The following GSR variants were observed in gnomAD, a reference collection of about 807,000 sequenced individuals.
GSR encodes glutathione-disulfide reductase, also known as glutathione reductase, mitochondrial.
In GSR, 48 loss-of-function variants were observed where a neutral mutation model predicts 56.5. That is an observed-to-expected ratio of 0.85 (90% CI 0.67 to 1.08). GSR has a LOEUF of 1.08. Among genes scored for constraint, GSR ranks in the 50% least tolerant of loss-of-function variants. The pLI is 0.00. For synonymous variants in GSR, 264 were observed against 270.8 expected (o/e 0.97, Z 0.25); for missense variants, 694 against 703.3 (o/e 0.99, Z 0.15).
At chr8:30,692,079 GGT>G (rs1803398681) in intron 8 of GSR, among the ~76,000 whole-genome samples, 1 of 151,066 alleles carries the variant, frequency 6.6e-6, no homozygotes. Context: ...CTCCAGCCTG[GGT>G]GACAAAGTGA....
In GSR at chr8:30,697,422, A is replaced by AAAACAAAC. The variant is rs150485496; in HGVS notation, c.696-951_696-944dup. ...GAGCGAGACTCTGTCTCAAAAAAACAAAACAAACAAACAAACAAACAAACA... is the reference window on the plus strand; with the variant it reads ...GAGCGAGACTCTGTCTCAAAAAAACAAAACAAACAAACAAACAAACAAACAAACAAACA... On this transcript the variant is annotated intron_variant, in intron 6 of 12. Coordinates refer to ENST00000221130, the MANE Select transcript of GSR (RefSeq NM_000637.5). Among the ~76,000 whole-genome samples, 144 of 148,276 alleles carry AAAACAAAC rather than the reference A, an allele frequency of 9.7e-4. 1 individual carries two copies. The highest frequency in any genetic ancestry group is 1.5e-3 in the African/African-American group (61 of 40,768).
At chr8:30,723,636 C>CA in intron 1 of GSR, among the ~76,000 whole-genome samples, 2 of 152,066 alleles carry the variant, frequency 1.3e-5, no homozygotes, top group East Asian at 1.9e-4. Context: ...ACTAAAAATA[C>CA]AAAAAATTTG....
intron 4 of GSR, among the ~76,000 whole-genome samples, chr8:30,705,843 T>C (rs1309365264): frequency 2.0e-5 from 3 of 152,190 alleles, no homozygotes; most frequent in Non-Finnish European, 4.4e-5. Context: ...CCTTTAAATA[T>C]TTTTCCCCCT....
chr8:30,679,706 C>T (rs768011401), intron 12 of GSR, 37 bp from the exon 13 acceptor site: 53 of 1,305,830 alleles, frequency 4.1e-5, no homozygotes, highest in South Asian at 1.3e-4. Flanking sequence ...TTTCTTTCTT[C>T]TTTTTTTTTT....
chr8:30,700,661 T>C (rs1586050216), intron 5 of GSR, among the ~76,000 whole-genome samples: 1 of 135,848 alleles, frequency 7.4e-6, no homozygotes, highest in Non-Finnish European at 1.5e-5. Flanking sequence ...GAGGTGGAGG[T>C]TGCAGTGAGC....
chr8:30,700,195 A>G, intron 5 of GSR, 60 bp from the exon 6 acceptor site: 3 of 1,211,376 alleles, frequency 2.5e-6, no homozygotes, highest in Non-Finnish European at 3.7e-6. Context: ...CAAAGTAATC[A>G]CAACATTTTA....
intron 1 of GSR, among the ~76,000 whole-genome samples, chr8:30,725,930 A>G (rs779880334): frequency 1.7e-4 from 26 of 151,766 alleles, no homozygotes; most frequent in Non-Finnish European, 3.2e-4. Flanking sequence ...AAAGTGGGTG[A>G]ACCTCTGAAG....
intron 9 of GSR, among the ~76,000 whole-genome samples, chr8:30,686,827 GGT>G (rs1486441656): frequency 6.6e-6 from 1 of 151,552 alleles, no homozygotes; most frequent in African/African-American, 2.4e-5. Flanking sequence ...GTTTTCTTTT[GGT>G]GTTTTTTTTT....
At chr8:30,708,047 A>C in intron 4 of GSR, 25 bp downstream of exon 4, 2 of 1,552,608 alleles carry the variant, frequency 1.3e-6, no homozygotes, top group Non-Finnish European at 1.8e-6. Flanking sequence ...GCTCTTTCTC[A>C]AAGTTAAAAA....
chr8:30,706,818 G>A (rs1803935630), intron 4 of GSR, among the ~76,000 whole-genome samples: 1 of 152,100 alleles, frequency 6.6e-6, no homozygotes, highest in Admixed American at 6.6e-5. Flanking sequence ...GTCTCTTAAG[G>A]AGGTCTTACT....
chr8:30,684,313 A>C, intron 9 of GSR, 114 bp from the exon 10 acceptor site: 3 of 768,454 alleles, frequency 3.9e-6, no homozygotes, highest in Non-Finnish European at 4.8e-6. Flanking sequence ...CAGAATCTCC[A>C]AGAAACCATG....
chr8:30,681,108 T>G, intron 11 of GSR, 71 bp from the exon 12 acceptor site: 1 of 1,240,870 alleles, frequency 8.1e-7, no homozygotes, highest in South Asian at 1.2e-5. Flanking sequence ...AAGAGGGAGA[T>G]GACCAGAAAT....
chr8:30,723,783 A>AACACAC (rs5890533), intron 1 of GSR, among the ~76,000 whole-genome samples: 90 of 52,616 alleles, frequency 1.7e-3, no homozygotes, highest in African/African-American at 2.5e-3. Context: ...CAGAGCAACA[A>AACACAC]ACACACACAC....
chr8:30,702,968 CCTT>C, intron 5 of GSR, 122 bp downstream of exon 5: 1 of 997,954 alleles, frequency 1.0e-6, no homozygotes, highest in South Asian at 1.3e-5. Flanking sequence ...TCTGCAGAGA[CCTT>C]CTCCCATGGC....
At chr8:30,727,332 G>C (rs531870044) in intron 1 of GSR, among the ~76,000 whole-genome samples, 198 bp downstream of exon 1, 26 of 152,328 alleles carry the variant, frequency 1.7e-4, no homozygotes, top group Admixed American at 1.4e-3. Flanking sequence ...TCGGCTTTGC[G>C]GGCCGCAGAG....
At position 30,727,002 on chromosome 8, in the gene GSR, A is replaced by T. The variant is rs372431759; in HGVS notation, c.306+528T>A. 138 of 152,752 alleles carry T rather than the reference A, an allele frequency of 9.0e-4. 2 individuals carry two copies. The South Asian group carries it at 0.027, about 30-fold the overall frequency. The allele number at this position is 152,752 out of a possible 1,614,324, so 9.5% of individuals were successfully genotyped here. On this transcript the variant is annotated intron_variant, in intron 1 of 12. Transcript: ENST00000221130. ...ACATCCCAAAGCCCAAGTGCACCTC[A>T]GACCAATTAAGTCGGGAATCCAGGC...
At chr8:30,708,343 T>C (rs1014884372) in intron 3 of GSR, among the ~76,000 whole-genome samples, 4 of 152,176 alleles carry the variant, frequency 2.6e-5, no homozygotes, top group African/African-American at 9.6e-5. Flanking sequence ...TGCCACTCAG[T>C]GGAGAACACA....
intron 4 of GSR, among the ~76,000 whole-genome samples, chr8:30,704,039 T>C (rs1435810914): frequency 6.6e-6 from 1 of 152,038 alleles, no homozygotes; most frequent in Non-Finnish European, 1.5e-5. Flanking sequence ...GAATGGTGTG[T>C]CTGGCCTGGG....
intron 9 of GSR, among the ~76,000 whole-genome samples, chr8:30,685,465 T>TA (rs1803129635): frequency 6.6e-6 from 1 of 152,128 alleles, no homozygotes. Context: ...CTCTAAAACA[T>TA]ACTGATGTTT....
Sources: allele counts gnomAD v4.1 joint callset (sites outside exome capture counted in the v4.1 genomes callset), GRCh38; gene constraint gnomAD v4.1.1; transcripts MANE v1.5; gene names NCBI Gene and HGNC (gene_info 2026-07-23, HGNC 2026-07-21).